Variants in RFFL observed in about 807,000 individuals in gnomAD.
RFFL encodes E3 ubiquitin-protein ligase rififylin.
In RFFL, 16 loss-of-function variants were observed where a neutral mutation model predicts 40.4. That is an observed-to-expected ratio of 0.40 (90% CI 0.27 to 0.60). RFFL has a LOEUF of 0.60. RFFL is among the 20% of genes least tolerant of loss of function. RFFL has a pLI of 0.47. For missense variants in RFFL, 367 were observed against 451.7 expected, an observed-to-expected ratio of 0.81 and a Z score of 1.70; for synonymous variants, 154 against 167.9, an observed-to-expected ratio of 0.92 and a Z score of 0.64.
At chr17:35,019,385 G>C (rs1555560209) in intron 3 of RFFL, among the ~76,000 whole-genome samples, 1 of 151,860 alleles carries the variant, frequency 6.6e-6, no homozygotes, top group Non-Finnish European at 1.5e-5. Flanking sequence ...TTGGTTTTTT[G>C]TTTTTGTTTT....
At chr17:35,060,134 T>A (rs1320134353) in intron 1 of RFFL, among the ~76,000 whole-genome samples, 1 of 152,246 alleles carries the variant, frequency 6.6e-6, no homozygotes, top group African/African-American at 2.4e-5. Context: ...CCAGCCTGGT[T>A]TGATACTCCA....
chr17:35,019,281 T>C (rs921604801), intron 3 of RFFL, among the ~76,000 whole-genome samples: 1 of 152,198 alleles, frequency 6.6e-6, no homozygotes, highest in African/African-American at 2.4e-5. Context: ...TTAGATCTTG[T>C]ATGTAGGGTG....
At chr17:35,085,668 AT>A (rs1395324843) in intron 1 of RFFL, among the ~76,000 whole-genome samples, 8 of 152,270 alleles carry the variant, frequency 5.3e-5, no homozygotes, top group Admixed American at 4.6e-4. Context: ...ATCTCAGGTA[AT>A]CACCCGCCTC....
At chr17:35,089,208 C>G (rs1567721006) in exon 1 of RFFL, 1 of 152,120 alleles carries the variant, frequency 6.6e-6, no homozygotes, top group East Asian at 1.9e-4. Flanking sequence ...GACTCCGCCG[C>G]GGCGGCGTCT....
chr17:35,061,283 A>G (rs554509058), intron 1 of RFFL, among the ~76,000 whole-genome samples: 1 of 152,328 alleles, frequency 6.6e-6, no homozygotes, highest in South Asian at 2.1e-4. Flanking sequence ...TGGCCATTTG[A>G]TAAGGGTCTG....
intron 1 of RFFL, among the ~76,000 whole-genome samples, chr17:35,047,521 G>T (rs9912605): frequency 0.024 from 3,626 of 152,230 alleles, 139 homozygotes; most frequent in African/African-American, 0.081. Context: ...AAAGTACTTT[G>T]TTAAGGTTGT....
At chr17:35,043,602 T>C (rs1309873686) in intron 1 of RFFL, among the ~76,000 whole-genome samples, 1 of 152,210 alleles carries the variant, frequency 6.6e-6, no homozygotes, top group Non-Finnish European at 1.5e-5. Flanking sequence ...ACTTTAGACA[T>C]GACATAATCT....
intron 1 of RFFL, among the ~76,000 whole-genome samples, chr17:35,078,726 T>C (rs1030473265): frequency 2.6e-5 from 4 of 152,336 alleles, no homozygotes; most frequent in Admixed American, 2.6e-4. Context: ...CCAGCACTTA[T>C]CCCAACACTT....
At chr17:35,080,937 C>A (rs1411700557) in intron 1 of RFFL, among the ~76,000 whole-genome samples, 1 of 152,214 alleles carries the variant, frequency 6.6e-6, no homozygotes, top group Non-Finnish European at 1.5e-5. Context: ...GTAGGTTTAA[C>A]TGTAGCATTG....
chr17:35,012,087 C>A lies in RFFL; in HGVS notation c.973G>T (p.Asp325Tyr). Residue 325 changes from aspartate (D) to tyrosine (Y), a missense_variant, in exon 7 of 7, where the codon GAC becomes TAC. By Grantham distance (160) the Asp-to-Tyr change is radical (BLOSUM62 -3). Coordinates refer to ENST00000394597, the MANE Select transcript of RFFL (RefSeq NM_001017368.2). ...TGGCCACACTCCAGAAGAACACAGT[C>A]AATGGGTGAGTCCATGCAGATCTTA... ...LCKICMDSPI[D>Y]CVLLECGHMV... The A allele has an allele frequency of 6.2e-7, 1 of 1,614,180 alleles. No homozygotes were observed. The highest frequency in any genetic ancestry group is 1.1e-5 in the South Asian group (1 of 91,076).
intron 1 of RFFL, among the ~76,000 whole-genome samples, chr17:35,038,282 G>A (rs541922593): frequency 3.3e-5 from 3 of 89,986 alleles, no homozygotes; most frequent in Non-Finnish European, 4.0e-5. Flanking sequence ...GAGCAAAACT[G>A]TCTCAAAAAA....
At chr17:35,074,931 A>C (rs913400951) in intron 1 of RFFL, among the ~76,000 whole-genome samples, 1 of 152,234 alleles carries the variant, frequency 6.6e-6, no homozygotes, top group Non-Finnish European at 1.5e-5. Context: ...CCTGCTGAAC[A>C]TGCCCAATGC....
At chr17:35,066,509 C>G (rs935153537), upstream of RFFL, among the ~76,000 whole-genome samples, 1 of 152,090 alleles carries the variant, frequency 6.6e-6, no homozygotes, top group Non-Finnish European at 1.5e-5. Flanking sequence ...TTAGCTTTAT[C>G]CAAATTACCC....
rs2090939222 is a variant in RFFL, at chr17:35,011,663, G to A, written c.*305C>T. 1 of 313,766 alleles carries A rather than the reference G, an allele frequency of 3.2e-6. No homozygotes were observed. Among genetic ancestry groups the A allele is most frequent in the Non-Finnish European group, 6.0e-6 (1 of 165,808 alleles). 19.4% of individuals were successfully genotyped at this position (313,766 alleles called of 1,614,324 possible). A position where few individuals can be genotyped will look rare whatever the true frequency, so the allele number is the denominator to read the frequency against. On this transcript the variant is annotated 3_prime_UTR_variant, in exon 7 of 7. Transcript: ENST00000394597. ...GGTGAAACTGTCTAGGTTCAGGGAG[G>A]AAGACAGGACCCAAGTTCTGGAAAG...
At chr17:35,017,116 T>G (rs2090978772) in intron 4 of RFFL, among the ~76,000 whole-genome samples, 1 of 151,990 alleles carries the variant, frequency 6.6e-6, no homozygotes. Context: ...TACACAACCT[T>G]GGCCACAGCT....
intron 1 of RFFL, among the ~76,000 whole-genome samples, chr17:35,041,959 G>A (rs1002307078): frequency 1.3e-5 from 2 of 152,248 alleles, no homozygotes; most frequent in Non-Finnish European, 2.9e-5. Context: ...AGGTTGCAGT[G>A]AGCCAAGATC....
At chr17:35,051,411 C>A (rs2091230961) in intron 1 of RFFL, among the ~76,000 whole-genome samples, 1 of 152,152 alleles carries the variant, frequency 6.6e-6, no homozygotes, top group Non-Finnish European at 1.5e-5. Flanking sequence ...TCTCTTTCCA[C>A]CGCTGTACCC....
At chr17:35,033,452 T>C (rs948635468) in intron 1 of RFFL, among the ~76,000 whole-genome samples, 2 of 151,830 alleles carry the variant, frequency 1.3e-5, no homozygotes, top group Admixed American at 1.3e-4. Context: ...CACTTGAACC[T>C]GGGAGGTGGA....
At chr17:35,075,711 G>C (rs1275538775) in intron 1 of RFFL, among the ~76,000 whole-genome samples, 1 of 152,108 alleles carries the variant, frequency 6.6e-6, no homozygotes, top group East Asian at 1.9e-4. Flanking sequence ...TTCCCTGCCT[G>C]CTCCAAATCA....
Sources: gnomAD v4.1 joint callset for allele counts (sites outside exome capture counted in the v4.1 genomes callset) on GRCh38, gnomAD v4.1.1 for gene constraint, MANE v1.5 for transcripts, NCBI Gene and HGNC (gene_info 2026-07-23, HGNC 2026-07-21) for gene names.